The following CNTNAP2 variants were observed in gnomAD, a reference collection of about 807,000 sequenced individuals.
CNTNAP2 encodes the protein contactin associated protein 2.
In CNTNAP2, 98 loss-of-function variants were observed where a neutral mutation model predicts 155.2. The ratio of observed to expected loss-of-function variants is 0.63; its 90% CI spans 0.54 to 0.75. The LOEUF (loss-of-function observed/expected upper bound fraction) is 0.75, where lower values mean the gene tolerates loss of function less well. Ranked by LOEUF, CNTNAP2 falls within the 30% of genes least tolerant of loss-of-function variation. The pLI is 0.00. For missense variants in CNTNAP2, 1,727 were observed against 1,688.1 expected (o/e 1.02, Z -0.40); for synonymous variants, 651 against 631.2 (o/e 1.03, Z -0.47).
intron 2 of CNTNAP2, among the ~76,000 whole-genome samples, chr7:146,827,487 A>C (rs957004725): frequency 9.3e-5 from 14 of 151,118 alleles, no homozygotes; most frequent in Non-Finnish European, 2.1e-4. Context: ...CTGCGTGGAC[A>C]AGAATGTTTT....
chr7:148,297,221 G>A (rs1039423498), intron 21 of CNTNAP2, among the ~76,000 whole-genome samples: 3 of 140,796 alleles, frequency 2.1e-5, no homozygotes, highest in Non-Finnish European at 4.7e-5. Flanking sequence ...CACCTAAAGT[G>A]GAAGGACCTC....
chr7:147,560,566 C>T (rs1051399865), intron 11 of CNTNAP2, among the ~76,000 whole-genome samples: 4 of 152,028 alleles, frequency 2.6e-5, no homozygotes, highest in African/African-American at 4.8e-5. Flanking sequence ...TGGGCTTTGC[C>T]GAGCTTTCTA....
chr7:147,747,944 C>T (rs960236750), intron 13 of CNTNAP2, among the ~76,000 whole-genome samples: 1 of 152,154 alleles, frequency 6.6e-6, no homozygotes, highest in African/African-American at 2.4e-5. Context: ...ACTGTGTGAC[C>T]CTGGCCTTGC....
intron 8 of CNTNAP2, among the ~76,000 whole-genome samples, chr7:147,289,290 A>G (rs983039377): frequency 6.6e-6 from 1 of 152,162 alleles, no homozygotes; most frequent in African/African-American, 2.4e-5. Context: ...GATCTTACCT[A>G]CATTTTTTCA....
At chr7:147,680,626 T>C (rs547368746) in intron 13 of CNTNAP2, among the ~76,000 whole-genome samples, 13 of 151,994 alleles carry the variant, frequency 8.6e-5, no homozygotes, top group African/African-American at 3.1e-4. Flanking sequence ...TTTCAATACC[T>C]GAACTGCTGT....
intron 8 of CNTNAP2, among the ~76,000 whole-genome samples, chr7:147,218,025 C>A (rs1171473243): frequency 6.6e-6 from 1 of 151,928 alleles, no homozygotes; most frequent in Non-Finnish European, 1.5e-5. Context: ...TTTACATCCT[C>A]TCTTCTTTTT....
chr7:146,722,566 G>A (rs573084315), intron 1 of CNTNAP2, among the ~76,000 whole-genome samples: 105 of 152,110 alleles, frequency 6.9e-4, no homozygotes, highest in African/African-American at 2.5e-3. Flanking sequence ...GATGAGATGA[G>A]GCCAATGAAA....
chr7:147,321,560 T>C (rs1313499813), intron 9 of CNTNAP2, among the ~76,000 whole-genome samples: 1 of 152,208 alleles, frequency 6.6e-6, no homozygotes, highest in Non-Finnish European at 1.5e-5. Flanking sequence ...TCTCAGCCTT[T>C]AGGCTGGTGA....
intron 14 of CNTNAP2, among the ~76,000 whole-genome samples, chr7:147,922,533 T>C (rs868467886): frequency 3.3e-4 from 50 of 152,328 alleles, no homozygotes; most frequent in Middle Eastern, 3.4e-3. Context: ...GGGCATGTGG[T>C]AACATGCAAC....
At position 146,830,849 on chromosome 7, in the gene CNTNAP2, T is replaced by C. The variant is rs1803495468; in HGVS notation, c.209-8862T>C. Among the ~76,000 whole-genome samples the C allele has an allele frequency of 2.6e-5, 4 of 152,200 alleles. No homozygotes were observed. In the South Asian group the frequency reaches 8.3e-4, roughly 31 times the overall value. ...AATAAAAATATTAAAAATGACAGTA[T>C]ACAGGATGAAAGCCTGTGGAACATC... is the stretch of plus-strand genomic sequence containing the variant. On this transcript the variant is annotated intron_variant, in intron 2 of 23. Transcript: ENST00000361727.
chr7:148,103,681 C>T (rs1398189393), intron 15 of CNTNAP2, among the ~76,000 whole-genome samples: 5 of 152,168 alleles, frequency 3.3e-5, no homozygotes, highest in Admixed American at 6.5e-5. Context: ...AAAACAGAAT[C>T]GTTCTCGCTC....
chr7:148,055,147 G>T (rs2710128), intron 15 of CNTNAP2, among the ~76,000 whole-genome samples: 2,100 of 152,210 alleles, frequency 0.014, 50 homozygotes, highest in African/African-American at 0.049. Flanking sequence ...GCCTCCCAAA[G>T]TGCTGGGATT....
chr7:147,644,252 A>G (rs1795329747), intron 13 of CNTNAP2, among the ~76,000 whole-genome samples: 1 of 152,184 alleles, frequency 6.6e-6, no homozygotes, highest in Admixed American at 6.5e-5. Context: ...CGGATTTGTA[A>G]ATGTAATATT....
intron 1 of CNTNAP2, among the ~76,000 whole-genome samples, chr7:146,623,555 G>C (rs1303844069): frequency 6.6e-6 from 1 of 152,082 alleles, no homozygotes; most frequent in Non-Finnish European, 1.5e-5. Context: ...CTTTCACTTA[G>C]TAATATGTAT....
At chr7:147,461,578 A>C (rs1798026073) in intron 10 of CNTNAP2, among the ~76,000 whole-genome samples, 1 of 152,164 alleles carries the variant, frequency 6.6e-6, no homozygotes, top group African/African-American at 2.4e-5. Context: ...ACTTTCTTTA[A>C]AATTATTTTC....
intron 1 of CNTNAP2, among the ~76,000 whole-genome samples, chr7:146,295,989 A>T (rs182663488): frequency 1.1e-3 from 163 of 152,232 alleles, no homozygotes; most frequent in Non-Finnish European, 2.9e-4. Flanking sequence ...ACAGAAACAT[A>T]GTTATAATTA....
chr7:148,008,547 C>T (rs540109690), intron 15 of CNTNAP2, among the ~76,000 whole-genome samples: 43 of 152,266 alleles, frequency 2.8e-4, no homozygotes, highest in Middle Eastern at 6.8e-3. Flanking sequence ...ATGTTTAGAT[C>T]GGCTTCCAAG....
chr7:148,045,712 C>G (rs1381511700), intron 15 of CNTNAP2, among the ~76,000 whole-genome samples: 2 of 152,146 alleles, frequency 1.3e-5, no homozygotes, highest in Non-Finnish European at 2.9e-5. Flanking sequence ...TTTGAGAAAC[C>G]ATAATAGACA....
chr7:146,575,198 C>T (rs889852849), intron 1 of CNTNAP2, among the ~76,000 whole-genome samples: 11 of 152,206 alleles, frequency 7.2e-5, no homozygotes, highest in African/African-American at 2.6e-4. Flanking sequence ...CTCACTGCAA[C>T]CTCTGCCTCC....
Sources: allele counts gnomAD v4.1 joint callset (sites outside exome capture counted in the v4.1 genomes callset), GRCh38; gene constraint gnomAD v4.1.1; transcripts MANE v1.5; gene names NCBI Gene and HGNC (gene_info 2026-07-23, HGNC 2026-07-21).